Variants in CFAP300 observed in about 807,000 individuals in gnomAD.
The protein encoded by CFAP300 is cilia and flagella associated protein 300, also known as cilia- and flagella-associated protein 300.
A neutral mutation model predicts 33.0 loss-of-function variants in CFAP300; 32 were observed. The ratio of observed to expected loss-of-function variants is 0.97; its 90% CI spans 0.73 to 1.30. The LOEUF is 1.30. Among genes scored for constraint, CFAP300 ranks in the 50% most tolerant of loss-of-function variants. The probability of loss-of-function intolerance (pLI) is 0.00; values close to 1 mark genes in which losing one functional copy is unlikely to be tolerated. For missense variants in CFAP300, 356 were observed against 318.1 expected (o/e 1.12, Z -0.90); for synonymous variants, 102 against 106.8 (o/e 0.95, Z 0.28).
At chr11:102,060,735 A>G (rs1424448191) in intron 3 of CFAP300, among the ~76,000 whole-genome samples, 1 of 152,114 alleles carries the variant, frequency 6.6e-6, no homozygotes, top group Non-Finnish European at 1.5e-5. Flanking sequence ...TTTTTTGTTT[A>G]GGGGTGTATT....
intron 2 of CFAP300, 78 bp from the exon 3 acceptor site, chr11:102,058,801 AT>A (rs1942096789): frequency 1.3e-6 from 1 of 794,008 alleles, no homozygotes; most frequent in East Asian, 2.8e-5. Flanking sequence ...ATTAAAGGAG[AT>A]TATAGTTATT....
chr11:102,059,509 C>T (rs148620372), intron 3 of CFAP300, among the ~76,000 whole-genome samples: 11 of 151,988 alleles, frequency 7.2e-5, no homozygotes, highest in African/African-American at 2.2e-4. Flanking sequence ...ATTAGCCAGG[C>T]GTGGTGGCGA....
chr11:102,052,612 T>C (rs1432777576), intron 2 of CFAP300, among the ~76,000 whole-genome samples: 1 of 152,234 alleles, frequency 6.6e-6, no homozygotes, highest in African/African-American at 2.4e-5. Context: ...CATTTGTAAA[T>C]AATCCTCAGC....
intron 2 of CFAP300, among the ~76,000 whole-genome samples, chr11:102,054,183 C>T (rs1472064402): frequency 1.3e-5 from 2 of 152,220 alleles, no homozygotes; most frequent in Admixed American, 1.3e-4. Context: ...TCCTACTCAA[C>T]TTTCTGATCT....
chr11:102,058,637 A>G (rs531467083), intron 2 of CFAP300, among the ~76,000 whole-genome samples: 3 of 151,150 alleles, frequency 2.0e-5, no homozygotes, highest in South Asian at 4.2e-4. Flanking sequence ...TGTTTACTCT[A>G]TATCATTATT....
At chr11:102,064,172 A>G (rs961582253) in intron 3 of CFAP300, among the ~76,000 whole-genome samples, 33 of 152,308 alleles carry the variant, frequency 2.2e-4, no homozygotes, top group African/African-American at 7.5e-4. Flanking sequence ...CTATTTTCAT[A>G]TCTCTTATTA....
At chr11:102,081,178 A>G (rs765251078) in intron 5 of CFAP300, 37 bp from the exon 6 acceptor site, 13 of 1,487,712 alleles carry the variant, frequency 8.7e-6, no homozygotes, top group Non-Finnish European at 1.2e-5. Flanking sequence ...GCCAATGCCT[A>G]TTATATGTTA....
chr11:102,051,915 G>T (rs1043961494), intron 2 of CFAP300, among the ~76,000 whole-genome samples: 3 of 152,074 alleles, frequency 2.0e-5, no homozygotes, highest in African/African-American at 7.2e-5. Context: ...CAGTATCTTT[G>T]TTATTACTGT....
Position 102,083,191 on chromosome 11 carries a change from A to G in CFAP300, c.796A>G (p.Met266Val). ...ATACCACTGTTATGGTGTGGGAGAC[A>G]TGTCTTAATGTTCTTTCAGATTATG... ...VLYHCYGVGD[M>V]S The change falls in exon 7 of 7, where the codon ATG (methionine) becomes GTG (valine). Residue 266 changes from methionine to valine, a missense_variant. By Grantham distance (21) the Met-to-Val change is conservative (BLOSUM62 1). Coordinates refer to ENST00000434758, the MANE Select transcript of CFAP300 (RefSeq NM_032930.3). The G allele has an allele frequency of 6.7e-7, 1 of 1,494,824 alleles. No homozygotes were observed. The highest frequency in any genetic ancestry group is 2.4e-5 in the East Asian group (1 of 41,204). 92.6% of individuals were successfully genotyped at this position (1,494,824 alleles called of 1,614,324 possible).
chr11:102,047,838 C>G lies in CFAP300; in HGVS notation c.134C>G (p.Ala45Gly). The change falls in exon 2 of 7, where the codon GCG becomes GGG. Residue 45 changes from alanine to glycine, a missense_variant. Ala to Gly is a moderately conservative substitution (Grantham distance 60, BLOSUM62 0). Coordinates refer to ENST00000434758, the MANE Select transcript of CFAP300 (RefSeq NM_032930.3). The part of the protein sequence containing the change: ...RQWSMLGRIK[A>G]QAFGFDQTFQ... ...AGGTCCATGCTGGGCAGAATCAAGG[C>G]GCAGGCGTTCGGCTTTGACCAGACC... 1 of 1,614,198 alleles carries G rather than the reference C, an allele frequency of 6.2e-7. No homozygotes were observed. The highest frequency in any genetic ancestry group is 1.3e-5 in the African/African-American group (1 of 75,046).
chr11:102,079,691 G>A (rs556938600), intron 5 of CFAP300, among the ~76,000 whole-genome samples: 5 of 152,080 alleles, frequency 3.3e-5, no homozygotes, highest in Non-Finnish European at 7.4e-5. Context: ...ACCTAAAAAA[G>A]TAGAGAAGAG....
intron 2 of CFAP300, among the ~76,000 whole-genome samples, chr11:102,053,397 C>A (rs1423141235): frequency 6.6e-6 from 1 of 151,380 alleles, no homozygotes; most frequent in African/African-American, 2.4e-5. Context: ...ACTAAAAATA[C>A]AAAATTAGCT....
chr11:102,076,106 C>A, intron 5 of CFAP300, 61 bp downstream of exon 5: 1 of 1,521,368 alleles, frequency 6.6e-7, no homozygotes, highest in Non-Finnish European at 8.8e-7. Flanking sequence ...ATTTGCTTAA[C>A]CTTGATGGAA....
At chr11:102,065,963 G>A (rs972789166) in intron 3 of CFAP300, among the ~76,000 whole-genome samples, 4 of 140,890 alleles carry the variant, frequency 2.8e-5, no homozygotes, top group South Asian at 2.2e-4. Context: ...GTGAGATTTT[G>A]TTATAAACTT....
chr11:102,061,905 G>A (rs895395475), intron 3 of CFAP300, among the ~76,000 whole-genome samples: 6 of 152,166 alleles, frequency 3.9e-5, no homozygotes, highest in African/African-American at 1.4e-4. Flanking sequence ...TCTTATAAAT[G>A]CTGGGGACAT....
In CFAP300 at chr11:102,075,925, G is replaced by C. The variant is rs142524446; in HGVS notation, c.488G>C (p.Arg163Thr). Residue 163 changes from arginine (R) to threonine (T), a missense_variant, in exon 5 of 7, where the codon AGA (arginine) becomes ACA (threonine). Transcript: ENST00000434758. ...TATGAAATATTCAGCCAACCAGATA[G>C]AGAAGAGTTCCTGTTTTGTCTTTTC... is the stretch of plus-strand genomic sequence containing the variant. ...EKYEIFSQPD[R>T]EEFLFCLFKH... 6 of 1,613,720 alleles carry C rather than the reference G, an allele frequency of 3.7e-6. No individual in the cohort carries two copies. In the African/African-American group the frequency reaches 8.0e-5, roughly 22 times the overall value.
intron 5 of CFAP300, among the ~76,000 whole-genome samples, chr11:102,080,069 G>T (rs1942451921): frequency 6.6e-6 from 1 of 152,038 alleles, no homozygotes; most frequent in African/African-American, 2.4e-5. Context: ...ATCTCTTGAG[G>T]CCAGGGTTTC....
intron 1 of CFAP300, 72 bp downstream of exon 1, chr11:102,047,652 G>T (rs973238568): frequency 2.7e-6 from 4 of 1,486,520 alleles, no homozygotes; most frequent in Non-Finnish European, 2.7e-6. Context: ...GCCGGGCGTC[G>T]AGGGGCCCGC....
At chr11:102,053,466 G>A (rs1483057403) in intron 2 of CFAP300, among the ~76,000 whole-genome samples, 6 of 151,776 alleles carry the variant, frequency 4.0e-5, no homozygotes, top group East Asian at 3.9e-4. Context: ...CAGGAGAATC[G>A]CTTGAACCCA....
Sources: gnomAD v4.1 joint callset for allele counts (sites outside exome capture counted in the v4.1 genomes callset) on GRCh38, gnomAD v4.1.1 for gene constraint, MANE v1.5 for transcripts, NCBI Gene and HGNC (gene_info 2026-07-23, HGNC 2026-07-21) for gene names.